Variants in TGM5 observed in about 807,000 individuals in gnomAD.
The protein encoded by TGM5 is transglutaminase 5.
Under a neutral mutation model 77.2 loss-of-function variants are expected in TGM5, and 69 were observed. The observed-to-expected ratio is 0.89, with a 90% confidence interval of 0.74 to 1.09. The LOEUF (loss-of-function observed/expected upper bound fraction) is 1.09. Ranked by LOEUF, TGM5 falls within the 50% of genes least tolerant of loss-of-function variation. TGM5 has a pLI of 0.00. For synonymous variants in TGM5, 346 were observed against 351.8 expected (o/e 0.98, Z 0.18); for missense variants, 842 against 896.5 (o/e 0.94, Z 0.78).
At chr15:43,257,634 T>A (rs1367146164) in intron 3 of TGM5, among the ~76,000 whole-genome samples, 3 of 152,190 alleles carry the variant, frequency 2.0e-5, no homozygotes, top group African/African-American at 7.2e-5. Context: ...TTGGTAGGAC[T>A]GTAAACTAGT....
intron 6 of TGM5, among the ~76,000 whole-genome samples, chr15:43,246,393 A>C (rs1436626174): frequency 6.6e-6 from 1 of 152,204 alleles, no homozygotes. Flanking sequence ...CATCTCAGCC[A>C]GGCATCAAGG....
At chr15:43,239,651 G>T (rs1596442456) in intron 7 of TGM5, 2 of 279,762 alleles carry the variant, frequency 7.1e-6, no homozygotes, top group Non-Finnish European at 1.4e-5. Flanking sequence ...TCCAGCCTGG[G>T]CAGCAAAGCC....
At chr15:43,238,532 G>C (rs1221585988) in intron 9 of TGM5, among the ~76,000 whole-genome samples, 1 of 152,240 alleles carries the variant, frequency 6.6e-6, no homozygotes, top group Admixed American at 6.5e-5. Context: ...ATCTTCAGTG[G>C]GAGGCTGATT....
In TGM5 at chr15:43,235,619, C is replaced by A; in HGVS notation, c.1564G>T (p.Asp522Tyr). Residue 522 changes from aspartate to tyrosine, a missense_variant, in exon 10 of 13, where the codon GAT becomes TAT. This residue lies in a region of TGM5 where 815 missense variants were observed against 844.6 expected (regional missense o/e 0.96). Transcript: ENST00000220420. Reference sequence around the variant, plus strand: ...AGGGCCAGCAGGACAAAGCATATATCCTGGCCCATGTTGGGCGGGTCGAGC... The same window carrying A: ...AGGGCCAGCAGGACAAAGCATATATACTGGCCCATGTTGGGCGGGTCGAGC... ...KLLDPPNMGQ[D>Y]ICFVLLALNM... 1 of 1,614,142 alleles carries A rather than the reference C, an allele frequency of 6.2e-7. No individual in the cohort carries two copies.
chr15:43,251,787 A>G (rs1218730143), intron 6 of TGM5, among the ~76,000 whole-genome samples: 3 of 151,860 alleles, frequency 2.0e-5, no homozygotes, highest in Non-Finnish European at 4.4e-5. Flanking sequence ...TTTCCTCCTC[A>G]TCTCCTCCTC....
intron 11 of TGM5, among the ~76,000 whole-genome samples, chr15:43,234,413 A>C (rs1248201095): frequency 2.0e-5 from 3 of 152,332 alleles, no homozygotes; most frequent in East Asian, 3.9e-4. Flanking sequence ...AAAAATGGCA[A>C]ATCAAGTCTG....
intron 12 of TGM5, 41 bp downstream of exon 12, chr15:43,233,513 G>C (rs781013927): frequency 4.3e-6 from 7 of 1,613,796 alleles, no homozygotes; most frequent in South Asian, 1.1e-5. Context: ...CTAATCTCAG[G>C]GGGGAAAAAC....
chr15:43,250,806 G>T (rs2042698283), intron 6 of TGM5, among the ~76,000 whole-genome samples: 2 of 152,134 alleles, frequency 1.3e-5, no homozygotes, highest in Admixed American at 1.3e-4. Flanking sequence ...GTAGCTCTTT[G>T]GGGGAAGGTT....
chr15:43,233,484 A>G (rs542953440), intron 12 of TGM5, 70 bp downstream of exon 12: 10 of 1,613,346 alleles, frequency 6.2e-6, no homozygotes, highest in African/African-American at 1.3e-5. Context: ...TCAGGAACCC[A>G]TGTTCAGGAA....
At position 43,261,060 on chromosome 15, in the gene TGM5, C is replaced by CTTTTTTTTTTTTTTT. The variant is rs199676346; in HGVS notation, c.11-482_11-481insAAAAAAAAAAAAAAA. On this transcript the variant is annotated intron_variant, in intron 1 of 12. Coordinates refer to ENST00000220420, the MANE Select transcript of TGM5 (RefSeq NM_201631.4). ...TAACTCCTTGGGCTAGCTGCTCTTC[C>CTTTTTTTTTTTTTTT]TTTTTTTGTGTGTGTGTTTTTTTTT... Among the ~76,000 whole-genome samples, 5 of 90,620 alleles carry CTTTTTTTTTTTTTTT rather than the reference C, an allele frequency of 5.5e-5. 1 individual carries two copies. Among genetic ancestry groups the CTTTTTTTTTTTTTTT allele is most frequent in the Non-Finnish European group, 7.9e-5 (4 of 50,610 alleles). 59.5% of individuals were successfully genotyped at this position (90,620 alleles called of 152,430 possible).
At chr15:43,256,814 G>A (rs895139287) in intron 3 of TGM5, 128 bp from the exon 4 acceptor site, 9 of 753,070 alleles carry the variant, frequency 1.2e-5, no homozygotes, top group Admixed American at 9.0e-5. Flanking sequence ...AGAGGGGCAC[G>A]AGGCAGTGGG....
rs377638470 is a variant in TGM5 at position 43,260,613 on chromosome 15, T to A, written c.11-34A>T. ...GGGCAGCCAGGGTTAGACAAAATAG[T>A]GGGGTTGTGGAGCCAATCCTGTCCA... On this transcript the variant is annotated intron_variant, in intron 1 of 12. Coordinates refer to ENST00000220420, the MANE Select transcript of TGM5 (RefSeq NM_201631.4). The A allele has an allele frequency of 7.4e-6, 12 of 1,612,912 alleles. No homozygotes were observed. In the African/African-American group the frequency reaches 1.5e-4, roughly 20 times the overall value.
intron 6 of TGM5, chr15:43,247,806 T>C (rs1596445916): frequency 6.6e-6 from 1 of 152,114 alleles, no homozygotes; most frequent in African/African-American, 2.4e-5. Context: ...TAAAACTATA[T>C]ACATATGCAT....
At chr15:43,259,678 C>T (rs2042770292) in intron 3 of TGM5, among the ~76,000 whole-genome samples, 1 of 152,058 alleles carries the variant, frequency 6.6e-6, no homozygotes. Context: ...ACACTTTTCT[C>T]TTTCTTTTTT....
At chr15:43,254,173 C>T (rs2042727608) in intron 4 of TGM5, among the ~76,000 whole-genome samples, 1 of 152,212 alleles carries the variant, frequency 6.6e-6, no homozygotes, top group Non-Finnish European at 1.5e-5. Context: ...GTCCTTCAGA[C>T]TTGGTGTGAA....
In TGM5 at chr15:43,256,548, T is replaced by C; in HGVS notation, c.555+20A>G. 1 of 1,593,994 alleles carries C rather than the reference T, an allele frequency of 6.3e-7. No individual in the cohort carries two copies. Among genetic ancestry groups the C allele is most frequent in the Non-Finnish European group, 8.6e-7 (1 of 1,161,650 alleles). On this transcript the variant is annotated intron_variant, in intron 4 of 12. Coordinates refer to ENST00000220420, the MANE Select transcript of TGM5 (RefSeq NM_201631.4). Reference sequence around the variant, plus strand: ...ACAAGCTCGGGGCCGGGATGGGCCATAAGCAGGGCTGAGACTCACCTGTCC... The same window carrying C: ...ACAAGCTCGGGGCCGGGATGGGCCACAAGCAGGGCTGAGACTCACCTGTCC...
chr15:43,265,125 G>A (rs765914149), intron 1 of TGM5, among the ~76,000 whole-genome samples: 5 of 152,070 alleles, frequency 3.3e-5, no homozygotes, highest in African/African-American at 9.7e-5. Context: ...AATCTTCATC[G>A]CATCCTTGCA....
intron 11 of TGM5, 132 bp downstream of exon 11, chr15:43,234,636 TG>T: frequency 8.7e-7 from 1 of 1,143,804 alleles, no homozygotes; most frequent in Non-Finnish European, 1.3e-6. Flanking sequence ...TTCTCCCTCC[TG>T]GAGCACCAGA....
chr15:43,241,105 G>T, intron 6 of TGM5, 115 bp from the exon 7 acceptor site: 1 of 1,363,640 alleles, frequency 7.3e-7, no homozygotes, highest in Non-Finnish European at 1.0e-6. Context: ...GCAGGAACAT[G>T]CTGGAGCTGT....
Sources: allele counts gnomAD v4.1 joint callset (sites outside exome capture counted in the v4.1 genomes callset), GRCh38; gene constraint gnomAD v4.1.1; regional missense constraint gnomAD v4.1.1; transcripts MANE v1.5; gene names NCBI Gene and HGNC (gene_info 2026-07-23, HGNC 2026-07-21).